Variants in APOLD1 observed in about 807,000 individuals in gnomAD.
The protein encoded by APOLD1 is apolipoprotein L domain-containing protein 1.
Under a neutral mutation model 15.3 loss-of-function variants are expected in APOLD1, and 22 were observed. The observed-to-expected ratio is 1.44, with a 90% CI of 1.03 to 2.05. The LOEUF is 2.05. Ranked by LOEUF, APOLD1 falls within the 30% of genes most tolerant of loss-of-function variation. The pLI is 0.00. For synonymous variants in APOLD1, 190 were observed against 167.4 expected (o/e 1.13, Z -1.04); for missense variants, 394 against 353.5 (o/e 1.11, Z -0.92).
At chr12:12,771,605 G>T in intron 1 of APOLD1, 1 of 505,558 alleles carries the variant, frequency 2.0e-6, no homozygotes, top group Admixed American at 2.1e-5. Context: ...CGAGGCCTGT[G>T]TCCTGTTCTT....
intron 1 of APOLD1, among the ~76,000 whole-genome samples, chr12:12,742,505 G>A (rs1386795009): frequency 2.0e-5 from 3 of 151,956 alleles, no homozygotes; most frequent in East Asian, 1.9e-4. Flanking sequence ...GGTGGCTCAC[G>A]CCTGTAATCC....
chr12:12,743,128 G>T lies in APOLD1; in HGVS notation c.96+17032G>T, dbSNP rs149337210. 1.8e-3 allele frequency among the ~76,000 whole-genome samples: 267 copies of T among 152,368 alleles called. 8 individuals carry two copies. In the East Asian group the frequency reaches 0.043, roughly 25 times the overall value. On this transcript the variant is annotated intron_variant, in intron 1 of 1. Transcript: ENST00000326765. The stretch of plus-strand genomic sequence containing the variant: ...CCTATATCATTTGCCTGAAAGGGGA[G>T]ACCCAGCTTACTTTGGAGGTAGGTG...
chr12:12,786,950 C>T lies in APOLD1; in HGVS notation c.45C>T (p.Asp15=), dbSNP rs576530656. The change falls in exon 2 of 2, where the codon GAC becomes GAT. Residue 15 remains aspartate, a synonymous_variant. Transcript: ENST00000356591. ...RPAAREPHGP[D]ALRRFQGLLL... is the part of the protein sequence containing the mutation. ...CGGCCCGGGAGCCGCATGGGCCCGACGCGCTGCGGCGCTTCCAGGGACTGC... is the reference window on the plus strand; with the variant it reads ...CGGCCCGGGAGCCGCATGGGCCCGATGCGCTGCGGCGCTTCCAGGGACTGC... 105 of 1,458,814 alleles carry T rather than the reference C, an allele frequency of 7.2e-5. No homozygotes were observed. The African/African-American group carries it at 1.2e-3, about 17-fold the overall frequency. The allele number at this position is 1,458,814 out of a possible 1,614,324, so 90.4% of individuals were successfully genotyped here. A position where few individuals can be genotyped will look rare whatever the true frequency, so the allele number is the denominator to read the frequency against.
intron 1 of APOLD1, among the ~76,000 whole-genome samples, chr12:12,731,748 CAA>C (rs1300653729): frequency 6.6e-6 from 1 of 152,186 alleles, no homozygotes; most frequent in East Asian, 1.9e-4. Flanking sequence ...CACTCAGATA[CAA>C]AGACGGCCAT....
At chr12:12,730,932 G>T (rs1946635429) in intron 1 of APOLD1, among the ~76,000 whole-genome samples, 1 of 151,930 alleles carries the variant, frequency 6.6e-6, no homozygotes, top group South Asian at 2.1e-4. Flanking sequence ...ACAAGGTCAG[G>T]AGATCGAGAC....
In APOLD1 at chr12:12,787,945, C is replaced by A; in HGVS notation, c.*293C>A. 1 of 345,006 alleles carries A rather than the reference C, an allele frequency of 2.9e-6. No homozygotes were observed. 21.4% of individuals were successfully genotyped at this position (345,006 alleles called of 1,614,324 possible). ...GTCTAAACACAGCTGGGCAGGCACT[C>A]CTGTTTTAAAGTTATTTCGGGGTCC... On this transcript the variant is annotated 3_prime_UTR_variant, in exon 2 of 2. Transcript: ENST00000356591. This position sits in a 1 kb window ranked among gnomAD's most constrained non-coding sequence, Gnocchi z 4.9.
chr12:12,733,884 G>A (rs999708107), intron 1 of APOLD1, among the ~76,000 whole-genome samples: 2 of 152,188 alleles, frequency 1.3e-5, no homozygotes. Flanking sequence ...GATTACAGGC[G>A]TGAGCCACCG....
At chr12:12,752,693 A>C (rs964759759) in intron 1 of APOLD1, among the ~76,000 whole-genome samples, 2 of 152,244 alleles carry the variant, frequency 1.3e-5, no homozygotes, top group Non-Finnish European at 2.9e-5. Context: ...ATGACATAGG[A>C]TCAGGTGAAG....
chr12:12,783,532 C>T (rs962406964), upstream of APOLD1, among the ~76,000 whole-genome samples: 7 of 151,680 alleles, frequency 4.6e-5, no homozygotes, highest in Non-Finnish European at 8.8e-5. Context: ...AGGCTGGTCT[C>T]GAACTCCTGA....
intron 1 of APOLD1, among the ~76,000 whole-genome samples, chr12:12,775,410 C>T (rs1224876806): frequency 6.6e-6 from 1 of 152,074 alleles, no homozygotes; most frequent in Non-Finnish European, 1.5e-5. Context: ...ACAGAGCGTA[C>T]AATACCAATA....
chr12:12,783,833 T>C (rs1947104773), upstream of APOLD1, among the ~76,000 whole-genome samples: 1 of 147,734 alleles, frequency 6.8e-6, no homozygotes, highest in Admixed American at 6.7e-5. Context: ...GGGGTCTCAT[T>C]ATGTCAACCA....
chr12:12,756,313 C>A (rs534982825), intron 1 of APOLD1, among the ~76,000 whole-genome samples: 1 of 152,138 alleles, frequency 6.6e-6, no homozygotes, highest in Non-Finnish European at 1.5e-5. Flanking sequence ...GAATTAGACC[C>A]GTTTGGGTTT....
intron 1 of APOLD1, among the ~76,000 whole-genome samples, chr12:12,735,278 A>G (rs1017879184): frequency 6.6e-6 from 1 of 152,238 alleles, no homozygotes; most frequent in African/African-American, 2.4e-5. Context: ...CCTCACCTGC[A>G]GTGCCTTCCC....
chr12:12,779,316 G>A (rs75500487), intron 1 of APOLD1, among the ~76,000 whole-genome samples: 1,654 of 152,072 alleles, frequency 0.011, 28 homozygotes, highest in African/African-American at 0.036. Context: ...TAGATTTGCC[G>A]TCTCCTGGAG....
chr12:12,762,209 T>A (rs1258455316), intron 1 of APOLD1, among the ~76,000 whole-genome samples: 1 of 151,852 alleles, frequency 6.6e-6, no homozygotes, highest in Admixed American at 6.6e-5. Context: ...CATAGCACAG[T>A]AGGAGCCCAG....
At chr12:12,765,122 A>AT (rs1251330565) in intron 1 of APOLD1, among the ~76,000 whole-genome samples, 1 of 152,208 alleles carries the variant, frequency 6.6e-6, no homozygotes, top group Non-Finnish European at 1.5e-5. Context: ...TGCAGGCTGT[A>AT]TAAGAGGCAA....
At chr12:12,746,095 C>T (rs149462235) in intron 1 of APOLD1, among the ~76,000 whole-genome samples, 3 of 152,174 alleles carry the variant, frequency 2.0e-5, no homozygotes, top group South Asian at 2.1e-4. Flanking sequence ...GCTATTTCAT[C>T]CGAGTCTGGA....
chr12:12,779,656 A>G (rs1356708955), intron 1 of APOLD1, among the ~76,000 whole-genome samples: 1 of 152,226 alleles, frequency 6.6e-6, no homozygotes, highest in African/African-American at 2.4e-5. Flanking sequence ...CTCTAGTTAT[A>G]ACAGTGAAAA....
intron 1 of APOLD1, among the ~76,000 whole-genome samples, chr12:12,759,812 A>G (rs1946883562): frequency 6.6e-6 from 1 of 152,222 alleles, no homozygotes; most frequent in South Asian, 2.1e-4. Context: ...TAGGAAAGAC[A>G]TTAGGATAAT....
Sources: gnomAD v4.1 joint callset for allele counts (sites outside exome capture counted in the v4.1 genomes callset) on GRCh38, gnomAD v4.1.1 for gene constraint, Gnocchi (gnomAD v3.1) non-coding constraint, MANE v1.5 for transcripts, NCBI Gene and HGNC (gene_info 2026-07-23, HGNC 2026-07-21) for gene names.